Variants in UNC79 observed in about 807,000 individuals in gnomAD.
UNC79 encodes the protein unc-79 subunit of NALCN channel complex.
In UNC79, 37 loss-of-function variants were observed where a neutral mutation model predicts 283.1. That is an observed-to-expected ratio of 0.13 (90% CI 0.10 to 0.17). UNC79 has a LOEUF of 0.17. Among genes scored for constraint, UNC79 ranks in the 10% least tolerant of loss-of-function variants. The pLI is 1.00. For synonymous variants in UNC79, 1,107 were observed against 1,200.2 expected, an observed-to-expected ratio of 0.92 and a Z score of 1.61; for missense variants, 2,272 against 3,211.1, an observed-to-expected ratio of 0.71 and a Z score of 7.07.
intron 13 of UNC79, 133 bp from the exon 14 acceptor site, chr14:93,542,317 GATAAGCGATCCCCATT>G (rs1359655356): frequency 1.3e-6 from 1 of 756,230 alleles, no homozygotes; most frequent in East Asian, 2.7e-5. Flanking sequence ...ACAGTTTCTG[GATAAGCGATCCCCATT>G]TTTAAAACTG....
At chr14:93,620,857 C>T (rs1451330139) in intron 29 of UNC79, 35 bp from the exon 31 acceptor site, 4 of 500,920 alleles carry the variant, frequency 8.0e-6, no homozygotes, top group African/African-American at 7.8e-5. Flanking sequence ...AGAATAACCT[C>T]TTAAGTGTAA....
intron 1 of UNC79, among the ~76,000 whole-genome samples, chr14:93,351,879 T>G (rs2053985756): frequency 6.6e-6 from 1 of 152,330 alleles, no homozygotes; most frequent in South Asian, 2.1e-4. Flanking sequence ...TCCGACTGAT[T>G]GGATGAGGTC....
At chr14:93,523,548 A>G (rs1402778202) in intron 7 of UNC79, among the ~76,000 whole-genome samples, 1 of 152,204 alleles carries the variant, frequency 6.6e-6, no homozygotes, top group Non-Finnish European at 1.5e-5. Flanking sequence ...TCAAGCACCA[A>G]GAAATATAGG....
intron 1 of UNC79, among the ~76,000 whole-genome samples, chr14:93,431,364 A>C (rs1398514933): frequency 6.6e-6 from 1 of 152,010 alleles, no homozygotes; most frequent in South Asian, 2.1e-4. Context: ...CGTATCTTTC[A>C]GATAAACATT....
At chr14:93,667,001 G>A (rs1231894756) in intron 40 of UNC79, among the ~76,000 whole-genome samples, 1 of 152,184 alleles carries the variant, frequency 6.6e-6, no homozygotes, top group East Asian at 1.9e-4. Context: ...CTGCTCTGGA[G>A]GCTGAGGTGG....
At position 93,589,593 on chromosome 14, in the gene UNC79, A is replaced by G. The variant is rs1186965746; in HGVS notation, c.3032+2685A>G. ...TGCAGAGGCCCGCCTGAGGAGCAAG[A>G]CTGAACTAGGTGCCTAATGGACCAA... On this transcript the variant is annotated intron_variant, in intron 22 of 48. Coordinates refer to ENST00000555664, the Ensembl canonical transcript of UNC79. Among the ~76,000 whole-genome samples, 2 of 152,116 alleles carry G rather than the reference A, an allele frequency of 1.3e-5. 1 individual carries two copies. The highest frequency in any genetic ancestry group is 4.8e-5 in the African/African-American group (2 of 41,422).
chr14:93,426,950 T>C (rs11625674), upstream of UNC79, among the ~76,000 whole-genome samples: 2,968 of 152,328 alleles, frequency 0.019, 52 homozygotes, highest in South Asian at 0.076. Flanking sequence ...ATTGTGATTT[T>C]AGTGTTGTGG....
intron 14 of UNC79, among the ~76,000 whole-genome samples, chr14:93,571,597 T>A (rs2063212317): frequency 6.6e-6 from 1 of 152,256 alleles, no homozygotes; most frequent in Non-Finnish European, 1.5e-5. Flanking sequence ...CTGTTGGGAA[T>A]AAATCTTTGG....
chr14:93,584,108 A>G (rs558030641), intron 20 of UNC79, among the ~76,000 whole-genome samples: 1 of 152,262 alleles, frequency 6.6e-6, no homozygotes, highest in East Asian at 1.9e-4. Flanking sequence ...ACCCGGCCAT[A>G]TGTTGGAATT....
At chr14:93,612,021 G>A (rs2066347877) in intron 26 of UNC79, among the ~76,000 whole-genome samples, 1 of 152,188 alleles carries the variant, frequency 6.6e-6, no homozygotes, top group Non-Finnish European at 1.5e-5. Flanking sequence ...TCAATGTCAG[G>A]GAGCTGCTCA....
At position 93,600,559 on chromosome 14, in the gene UNC79, T is replaced by C. The variant is rs1207566639; in HGVS notation, c.3373-10T>C. 2 of 1,568,320 alleles carry C rather than the reference T, an allele frequency of 1.3e-6. No homozygotes were observed. Among genetic ancestry groups the C allele is most frequent in the South Asian group, 1.2e-5 (1 of 84,134 alleles). Reference sequence around the variant, plus strand: ...CTTCTTTTCTTTTTTTTTTTCCTCCTCTTTCCCAGGGTCTATGTCTTTGTC... The same window carrying C: ...CTTCTTTTCTTTTTTTTTTTCCTCCCCTTTCCCAGGGTCTATGTCTTTGTC... On this transcript the variant is annotated splice_polypyrimidine_tract_variant and intron_variant, in intron 24 of 48. Coordinates refer to ENST00000555664, the Ensembl canonical transcript of UNC79.
intron 10 of UNC79, among the ~76,000 whole-genome samples, chr14:93,532,268 A>G (rs1410671721): frequency 6.6e-6 from 1 of 150,716 alleles, no homozygotes; most frequent in East Asian, 2.0e-4. Context: ...GGAGTTGAAG[A>G]ACAGCCTGAG....
intron 1 of UNC79, among the ~76,000 whole-genome samples, chr14:93,436,790 T>C (rs969490179): frequency 2.6e-5 from 4 of 152,216 alleles, no homozygotes; most frequent in African/African-American, 7.2e-5. Context: ...CTTTCTGTAA[T>C]GTGAAAAGCT....
Position 93,690,534 on chromosome 14 carries a change from T to G in UNC79, c.7272+231T>G, listed in dbSNP as rs1333625712. ...GGCTTACTTTTATAAAGATAAATCA[T>G]GGAGTCAAGCAAGAGTTGGCTTCCC... On this transcript the variant is annotated intron_variant, in intron 45 of 48. Coordinates refer to ENST00000555664, the Ensembl canonical transcript of UNC79. This position sits in a 1 kb window ranked among gnomAD's most constrained non-coding sequence, Gnocchi z 4.3. 4.4e-6 allele frequency: 2 copies of G among 450,264 alleles called. No individual in the cohort carries two copies. Among genetic ancestry groups the G allele is most frequent in the Non-Finnish European group, 7.7e-6 (2 of 261,162 alleles). 27.9% of individuals were successfully genotyped at this position (450,264 alleles called of 1,614,324 possible). A position where few individuals can be genotyped will look rare whatever the true frequency, so the allele number is the denominator to read the frequency against.
In UNC79 at chr14:93,369,740, T is replaced by C. The variant is rs186322930; in HGVS notation, c.-351+36217T>C. Among the ~76,000 whole-genome samples the C allele has an allele frequency of 3.2e-4, 48 of 152,340 alleles. 1 individual carries two copies. Among genetic ancestry groups the C allele is most frequent in the African/African-American group, 1.1e-3 (47 of 41,580 alleles). The stretch of plus-strand genomic sequence containing the variant: ...TCAGAGAAAAATCCCCTTGTGTTTC[T>C]GGCAGGCAGAGGGAAAAGGAACCAT... On this transcript the variant is annotated intron_variant, in intron 1 of 49. Transcript: ENST00000256339.
chr14:93,376,228 G>A lies in UNC79; in HGVS notation c.-351+42705G>A, dbSNP rs531922973. Among the ~76,000 whole-genome samples, 753 of 152,304 alleles carry A rather than the reference G, an allele frequency of 4.9e-3. 4 individuals carry two copies. The highest frequency in any genetic ancestry group is 0.017 in the African/African-American group (701 of 41,570). On this transcript the variant is annotated intron_variant, in intron 1 of 49. Coordinates refer to the UNC79 transcript ENST00000256339. ...GTTATGCAACAATAGATAACCAGAG[G>A]CACTTAATATGTATTGATAGAAAAG...
chr14:93,575,113 C>T (rs2063399900), exon 17 of UNC79: 1 of 1,613,672 alleles, frequency 6.2e-7, no homozygotes, highest in Admixed American at 1.7e-5. Flanking sequence ...AGTATGTTTT[C>T]TGATGGAGTT....
At chr14:93,414,280 G>A (rs1375896672) in intron 1 of UNC79, among the ~76,000 whole-genome samples, 1 of 152,192 alleles carries the variant, frequency 6.6e-6, no homozygotes, top group Admixed American at 6.5e-5. Flanking sequence ...TTATTAAATA[G>A]GGAATCCTTT....
At chr14:93,640,923 AAG>A (rs931174437) in intron 32 of UNC79, among the ~76,000 whole-genome samples, 1 of 152,136 alleles carries the variant, frequency 6.6e-6, no homozygotes, top group African/African-American at 2.4e-5. Flanking sequence ...TCAAGAAGCA[AAG>A]AGAGAGAAGT....
Sources: gnomAD v4.1 joint callset for allele counts (sites outside exome capture counted in the v4.1 genomes callset) on GRCh38, gnomAD v4.1.1 for gene constraint, Gnocchi (gnomAD v3.1) non-coding constraint, MANE v1.5 for transcripts, NCBI Gene and HGNC (gene_info 2026-07-23, HGNC 2026-07-21) for gene names.